Variants in KIF25 observed in about 807,000 individuals in gnomAD.
KIF25 encodes kinesin-like protein KIF25.
Under a neutral mutation model 32.9 loss-of-function variants are expected in KIF25, and 19 were observed. That is an observed-to-expected ratio of 0.58 (90% CI 0.40 to 0.85). The LOEUF (loss-of-function observed/expected upper bound fraction) is 0.85. Among genes scored for constraint, KIF25 ranks in the 40% least tolerant of loss-of-function variants. The pLI is 0.00. For missense variants in KIF25, 485 were observed against 507.0 expected, an observed-to-expected ratio of 0.96 and a Z score of 0.42; for synonymous variants, 225 against 213.7, an observed-to-expected ratio of 1.05 and a Z score of -0.46.
rs1184919076 is a variant in KIF25 at position 168,044,987 on chromosome 6, G to T, written c.1146G>T (p.Arg382Ser). 1.9e-6 allele frequency: 3 copies of T among 1,592,482 alleles called. No individual in the cohort carries two copies. The highest frequency in any genetic ancestry group is 2.3e-5 in the East Asian group (1 of 44,420). ...GCTCCCAAACGGAGGGGAAGAGGAG[G>T]CCGGATTGAATGCATTAACAAGTTT... ...PPSSQTEGKR[R>S]PD The change falls in exon 13 of 13, where the codon AGG becomes AGT. Residue 382 changes from arginine (R) to serine (S), a missense_variant. Around this residue, in one of 2 missense-constraint regions of KIF25, gnomAD observed 480 missense variants for 470.3 expected, o/e 1.02. Transcript: ENST00000643607.
intron 12 of KIF25, 72 bp downstream of exon 12, chr6:168,042,788 C>T (rs942170555): frequency 2.4e-5 from 37 of 1,512,520 alleles, no homozygotes; most frequent in Non-Finnish European, 2.7e-5. Context: ...CACTTCTGGC[C>T]TGCACGTCCT....
At chr6:168,041,337 C>T (rs1025111525) in intron 10 of KIF25, among the ~76,000 whole-genome samples, 1 of 152,212 alleles carries the variant, frequency 6.6e-6, no homozygotes, top group Non-Finnish European at 1.5e-5. Flanking sequence ...CGGCCTTGTA[C>T]CGCAGGGGCT....
rs778957588 is a variant in KIF25, at chr6:168,044,946, C to A, written c.1105C>A (p.Arg369=). Residue 369 remains arginine (R), a synonymous_variant, in exon 13 of 13, where the codon CGA becomes AGA. Coordinates refer to ENST00000643607, the MANE Select transcript of KIF25 (RefSeq NM_030615.4). ...RARQVQRGPA[R]KKPPSSQTEG... Reference sequence around the variant, plus strand: ...TCGGCAAGTCCAGCGAGGCCCTGCCCGAAAGAAGCCGCCCAGCTCCCAAAC... The same window carrying A: ...TCGGCAAGTCCAGCGAGGCCCTGCCAGAAAGAAGCCGCCCAGCTCCCAAAC... The A allele has an allele frequency of 5.0e-6, 8 of 1,610,890 alleles. No homozygotes were observed. In the East Asian group the frequency reaches 1.8e-4, roughly 36 times the overall value.
intron 4 of KIF25, among the ~76,000 whole-genome samples, chr6:168,005,801 C>T (rs1172575093): frequency 6.6e-6 from 1 of 152,222 alleles, no homozygotes; most frequent in East Asian, 1.9e-4. Context: ...ACGGTGCCCA[C>T]CCAGATTAAG....
chr6:168,001,563 T>C (rs1798502270), intron 2 of KIF25, among the ~76,000 whole-genome samples: 2 of 93,900 alleles, frequency 2.1e-5, no homozygotes, highest in East Asian at 5.7e-4. Flanking sequence ...CTCGGGCAGG[T>C]GAGAAGACAC....
In KIF25 at chr6:168,038,750, G is replaced by C. The variant is rs55655123; in HGVS notation, c.494+21G>C. On this transcript the variant is annotated intron_variant, in intron 9 of 12. Coordinates refer to ENST00000643607, the MANE Select transcript of KIF25 (RefSeq NM_030615.4). Reference sequence around the variant, plus strand: ...TCTGAGTGAGTACTGCACCTGCCCCGTGCTGCTGGCCTCTGAGTGAGAATG... The same window carrying C: ...TCTGAGTGAGTACTGCACCTGCCCCCTGCTGCTGGCCTCTGAGTGAGAATG... 3.1e-6 allele frequency: 5 copies of C among 1,607,106 alleles called. No homozygotes were observed. The South Asian group carries it at 5.5e-5, about 18-fold the overall frequency.
rs1388459107 is a variant in KIF25, at chr6:168,042,662, G to A, written c.931G>A (p.Gly311Ser). 6.2e-7 allele frequency: 1 copy of A among 1,613,658 alleles called. No homozygotes were observed. The highest frequency in any genetic ancestry group is 2.2e-5 in the East Asian group (1 of 44,868). Reference sequence around the variant, plus strand: ...CCTGGGGGCTTTGTTGGAGCACCGTGGCCATGCCCCGTACCGGAACAGCAG... The same window carrying A: ...CCTGGGGGCTTTGTTGGAGCACCGTAGCCATGCCCCGTACCGGAACAGCAG... ...GVLGALLEHR[G>S]HAPYRNSRLT... Residue 311 changes from glycine (G) to serine (S), a missense_variant, in exon 12 of 13, where the codon GGC becomes AGC. By Grantham distance (56) the Gly-to-Ser change is moderately conservative. This residue lies in a region of KIF25 where 480 missense variants were observed against 470.3 expected (regional missense o/e 1.02). Coordinates refer to ENST00000643607, the MANE Select transcript of KIF25 (RefSeq NM_030615.4).
chr6:168,043,872 T>C (rs1286718116), intron 12 of KIF25, among the ~76,000 whole-genome samples: 1 of 152,198 alleles, frequency 6.6e-6, no homozygotes, highest in African/African-American at 2.4e-5. Context: ...TTACGGGTCC[T>C]GAAAAACAGG....
chr6:168,022,768 GTTTT>G (rs61060025), intron 5 of KIF25, among the ~76,000 whole-genome samples: 3 of 121,644 alleles, frequency 2.5e-5, no homozygotes, highest in South Asian at 2.6e-4. Flanking sequence ...TGTTGTTGTT[GTTTT>G]TTTTTTTTTT....
rs374895895 is a variant in KIF25, at chr6:168,042,660, G to A, written c.929G>A (p.Arg310His). The change falls in exon 12 of 13, where the codon CGT becomes CAT. Residue 310 changes from arginine to histidine, a missense_variant. Coordinates refer to ENST00000643607, the MANE Select transcript of KIF25 (RefSeq NM_030615.4). ...AGVLGALLEH[R>H]GHAPYRNSRL... ...GTCCTGGGGGCTTTGTTGGAGCACC[G>A]TGGCCATGCCCCGTACCGGAACAGC... The A allele has an allele frequency of 1.5e-5, 25 of 1,613,522 alleles. No individual in the cohort carries two copies. Among genetic ancestry groups the A allele is most frequent in the Admixed American group, 1.7e-5 (1 of 60,000 alleles).
At chr6:168,039,513 C>T (rs188032472) in intron 9 of KIF25, among the ~76,000 whole-genome samples, 2 of 152,318 alleles carry the variant, frequency 1.3e-5, no homozygotes, top group African/African-American at 4.8e-5. Context: ...GCCCCGGAGG[C>T]AGCAAGGGAA....
intron 6 of KIF25, chr6:168,030,447 C>T (rs1223382856): frequency 7.0e-6 from 1 of 141,916 alleles, no homozygotes; most frequent in African/African-American, 2.6e-5. Flanking sequence ...CCTCCCTCCC[C>T]TCCCCTCTCA....
In KIF25 at chr6:168,038,700, A is replaced by G; in HGVS notation, c.465A>G (p.Gly155=). 1 of 1,614,002 alleles carries G rather than the reference A, an allele frequency of 6.2e-7. No homozygotes were observed. The highest frequency in any genetic ancestry group is 8.5e-7 in the Non-Finnish European group (1 of 1,179,996). ...GTGAGGTGGTGACAGCCAAGGATGG[A>G]CGGACAGAGGTTGCGCTGCTGGCCT... The part of the protein sequence containing the change: ...VKREVVTAKD[G]RTEVALLASE... The change falls in exon 9 of 13, where the codon GGA becomes GGG. Residue 155 remains glycine (G), a synonymous_variant. Coordinates refer to ENST00000643607, the MANE Select transcript of KIF25 (RefSeq NM_030615.4).
intron 2 of KIF25, among the ~76,000 whole-genome samples, chr6:168,002,043 C>A (rs540239605): frequency 7.8e-6 from 1 of 128,494 alleles, no homozygotes; most frequent in South Asian, 2.8e-4. Flanking sequence ...TGAGAAGACA[C>A]CTGAGGCATG....
rs1244285471 is a variant in KIF25, at chr6:168,042,551, TC to T, written c.830-8del. 2 of 1,610,258 alleles carry T rather than the reference TC, an allele frequency of 1.2e-6. No individual in the cohort carries two copies. The highest frequency in any genetic ancestry group is 3.4e-5 in the Admixed American group (2 of 59,560). On this transcript the variant is annotated splice_polypyrimidine_tract_variant and intron_variant, in intron 11 of 12. Transcript: ENST00000643607. ...TGCAAACGGTGATGGTGCGTGGCGG[TC>T]CTGTCCAGGTGTGTCTGGAGTGACC...
intron 4 of KIF25, among the ~76,000 whole-genome samples, chr6:168,016,185 G>A (rs1798710515): frequency 6.6e-6 from 1 of 152,174 alleles, no homozygotes; most frequent in Admixed American, 6.5e-5. Flanking sequence ...GCTTGGTCCT[G>A]GCGGGTGTCG....
In KIF25 at chr6:168,009,046, G is replaced by C. The variant is rs111351044; in HGVS notation, c.-163+5343G>C. 2.8e-3 allele frequency among the ~76,000 whole-genome samples: 423 copies of C among 152,114 alleles called. 1 individual carries two copies. Among genetic ancestry groups the C allele is most frequent in the African/African-American group, 9.7e-3 (402 of 41,514 alleles). On this transcript the variant is annotated intron_variant, in intron 4 of 12. Coordinates refer to ENST00000643607, the MANE Select transcript of KIF25 (RefSeq NM_030615.4). ...AGCAGGAACAATTTGACTTCCTTCT[G>C]TATGATTTGGATGCTCTTTATTTCT...
Position 168,015,887 on chromosome 6 carries a change from G to C in KIF25, c.-162-2086G>C, listed in dbSNP as rs151316545. On this transcript the variant is annotated intron_variant, in intron 4 of 12. Coordinates refer to ENST00000643607, the MANE Select transcript of KIF25 (RefSeq NM_030615.4). ...TATGGCTTTGCACGTTTCTTGTATG[G>C]TGTCCCTTGAGCTTTCGGGTTAGAC... Among the ~76,000 whole-genome samples the C allele has an allele frequency of 1.2e-3, 189 of 152,286 alleles. 1 individual carries two copies. Among genetic ancestry groups the C allele is most frequent in the African/African-American group, 4.3e-3 (178 of 41,548 alleles).
In KIF25 at chr6:167,998,121, T is replaced by G. The variant is rs567855117; in HGVS notation, c.-1348T>G. The G allele has an allele frequency of 6.6e-5, 10 of 152,090 alleles. No homozygotes were observed. Among genetic ancestry groups the G allele is most frequent in the Admixed American group, 5.9e-4 (9 of 15,284 alleles). The allele number at this position is 152,090 out of a possible 1,614,324, so 9.4% of individuals were successfully genotyped here. On this transcript the variant is annotated 5_prime_UTR_variant, in exon 1 of 13. Coordinates refer to ENST00000643607, the MANE Select transcript of KIF25 (RefSeq NM_030615.4). ...CTATAAAGACAAAGGGAGATATCAG[T>G]GAAGCACCTGGCACTTCAGAAAGTC...
Sources: gnomAD v4.1 joint callset for allele counts (sites outside exome capture counted in the v4.1 genomes callset) on GRCh38, gnomAD v4.1.1 for gene constraint, gnomAD v4.1.1 regional missense constraint, MANE v1.5 for transcripts, NCBI Gene and HGNC (gene_info 2026-07-23, HGNC 2026-07-21) for gene names.